The following ACTL7A variants were observed in gnomAD, a reference collection of about 807,000 sequenced individuals.
ACTL7A encodes actin-like protein 7A.
In ACTL7A, 27 loss-of-function variants were observed where a neutral mutation model predicts 30.3. The ratio of observed to expected loss-of-function variants is 0.89; its 90% CI spans 0.66 to 1.23. ACTL7A has a LOEUF of 1.23. Ranked by LOEUF, ACTL7A falls within the 50% of genes most tolerant of loss-of-function variation. ACTL7A has a pLI of 0.00. For missense variants in ACTL7A, 566 were observed against 571.8 expected, an observed-to-expected ratio of 0.99 and a Z score of 0.10; for synonymous variants, 259 against 241.4, an observed-to-expected ratio of 1.07 and a Z score of -0.67.
rs369257453 is a variant in ACTL7A at position 108,863,498 on chromosome 9, G to C, written c.1176G>C (p.Leu392=). Residue 392 remains leucine, a synonymous_variant, in exon 1 of 1, where the codon CTG becomes CTC. Coordinates refer to ENST00000333999, the MANE Select transcript of ACTL7A (RefSeq NM_006687.4). ...ATGACACCCCGCAGGTAAACGTGCT[G>C]CCTGAAAGAGACAGTGCCGTGTGGA... ...CPNDTPQVNV[L]PERDSAVWTG... 5.0e-6 allele frequency: 8 copies of C among 1,614,234 alleles called. No individual in the cohort carries two copies. The African/African-American group carries it at 1.1e-4, about 22-fold the overall frequency.
Position 108,862,297 on chromosome 9 carries a change from C to T in ACTL7A, c.-26C>T. The T allele has an allele frequency of 1.3e-6, 2 of 1,574,562 alleles. No homozygotes were observed. The highest frequency in any genetic ancestry group is 1.7e-6 in the Non-Finnish European group (2 of 1,163,230). On this transcript the variant is annotated 5_prime_UTR_variant, in exon 1 of 1. Coordinates refer to ENST00000333999, the MANE Select transcript of ACTL7A (RefSeq NM_006687.4). Reference sequence around the variant, plus strand: ...TGAATCCAGTGGGATTGAGAACTTTCTAAGAGTGGTGCGGCTCTTGACAAC... The same window carrying T: ...TGAATCCAGTGGGATTGAGAACTTTTTAAGAGTGGTGCGGCTCTTGACAAC...
At position 108,862,521 on chromosome 9, in the gene ACTL7A, G is replaced by C. The variant is rs745368118; in HGVS notation, c.199G>C (p.Glu67Gln). The C allele has an allele frequency of 3.1e-6, 5 of 1,613,864 alleles. No individual in the cohort carries two copies. In the Admixed American group the frequency reaches 6.7e-5, roughly 22 times the overall value. ...SKAAKERPKQ[E>Q]VTKAVVVDLG... ...GGCAGCCAAGGAGAGGCCCAAGCAG[G>C]AGGTGACCAAAGCAGTGGTCGTGGA... The change falls in exon 1 of 1, where the codon GAG becomes CAG. Residue 67 changes from glutamate to glutamine, a missense_variant. Coordinates refer to ENST00000333999, the MANE Select transcript of ACTL7A (RefSeq NM_006687.4).
Position 108,862,790 on chromosome 9 carries a change from A to G in ACTL7A, c.468A>G (p.Gln156=). The change falls in exon 1 of 1, where the codon CAA becomes CAG. Residue 156 remains glutamine (Q), a synonymous_variant. Coordinates refer to ENST00000333999, the MANE Select transcript of ACTL7A (RefSeq NM_006687.4). ...ATATCTGGGAATATCTCTTCCGACA[A>G]GAGATGAAGATCGCCCCGGAGGAGC... ...VQDIWEYLFR[Q]EMKIAPEEHA... is the part of the protein sequence containing the mutation. 6.2e-7 allele frequency: 1 copy of G among 1,614,204 alleles called. No homozygotes were observed. Among genetic ancestry groups the G allele is most frequent in the South Asian group, 1.1e-5 (1 of 91,090 alleles).
Position 108,863,175 on chromosome 9 carries a change from G to T in ACTL7A, c.853G>T (p.Asp285Tyr), listed in dbSNP as rs1213896204. 1 of 1,613,984 alleles carries T rather than the reference G, an allele frequency of 6.2e-7. No homozygotes were observed. The highest frequency in any genetic ancestry group is 1.3e-5 in the African/African-American group (1 of 74,916). ...IKKKCCFVALDPIEEKKVPLS... is the reference protein window; with the variant it reads ...IKKKCCFVALYPIEEKKVPLS... ...GAAGAAATGCTGCTTTGTGGCCCTG[G>T]ATCCCATTGAGGAGAAGAAAGTCCC... is the stretch of plus-strand genomic sequence containing the variant. The change falls in exon 1 of 1, where the codon GAT (aspartate) becomes TAT (tyrosine). Residue 285 changes from aspartate to tyrosine, a missense_variant. Coordinates refer to ENST00000333999, the MANE Select transcript of ACTL7A (RefSeq NM_006687.4).
At position 108,862,487 on chromosome 9, in the gene ACTL7A, T is replaced by A. The variant is rs756723476; in HGVS notation, c.165T>A (p.Thr55=). ...RHTSSEPQEP[T]ESKAAKERPK... ...CGAGTTCAGAGCCACAAGAACCTACTGAATCAAAGGCAGCCAAGGAGAGGC... is the reference window on the plus strand; with the variant it reads ...CGAGTTCAGAGCCACAAGAACCTACAGAATCAAAGGCAGCCAAGGAGAGGC... The change falls in exon 1 of 1, where the codon ACT becomes ACA. Residue 55 remains threonine (T), a synonymous_variant. Transcript: ENST00000333999. The A allele has an allele frequency of 6.2e-7, 1 of 1,612,692 alleles. No individual in the cohort carries two copies. The highest frequency in any genetic ancestry group is 8.5e-7 in the Non-Finnish European group (1 of 1,179,882).
In ACTL7A at chr9:108,863,007, A is replaced by C. The variant is rs1162062190; in HGVS notation, c.685A>C (p.Ile229Leu). The change falls in exon 1 of 1, where the codon ATC (isoleucine) becomes CTC (leucine). Residue 229 changes from isoleucine (I) to leucine (L), a missense_variant. Physicochemically the swap from Ile to Leu is conservative, Grantham distance 5. Coordinates refer to ENST00000333999, the MANE Select transcript of ACTL7A (RefSeq NM_006687.4). ...VGHGVSYVVP[I>L]YEGYPLPSIT... ...CCATGGCGTGTCCTACGTGGTCCCCATCTACGAGGGTTATCCTTTGCCCAG... is the reference window on the plus strand; with the variant it reads ...CCATGGCGTGTCCTACGTGGTCCCCCTCTACGAGGGTTATCCTTTGCCCAG... 1.2e-6 allele frequency: 2 copies of C among 1,612,738 alleles called. No homozygotes were observed. The highest frequency in any genetic ancestry group is 3.3e-5 in the Admixed American group (2 of 59,976).
At position 108,863,583 on chromosome 9, in the gene ACTL7A, G is replaced by C. The variant is rs1827202586; in HGVS notation, c.1261G>C (p.Glu421Gln). 1 of 1,613,690 alleles carries C rather than the reference G, an allele frequency of 6.2e-7. No homozygotes were observed. Among genetic ancestry groups the C allele is most frequent in the Non-Finnish European group, 8.5e-7 (1 of 1,179,866 alleles). The change falls in exon 1 of 1, where the codon GAG becomes CAG. Residue 421 changes from glutamate to glutamine, a missense_variant. Physicochemically the swap from Glu to Gln is conservative, Grantham distance 29 (BLOSUM62 2). Transcript: ENST00000333999. Reference sequence around the variant, plus strand: ...CCAACCATTGTGGGTCCACCGCTTTGAGTACGAGGAACACGGGCCTTTCTT... The same window carrying C: ...CCAACCATTGTGGGTCCACCGCTTTCAGTACGAGGAACACGGGCCTTTCTT... ...GFQPLWVHRFEYEEHGPFFLY... is the reference protein window; with the variant it reads ...GFQPLWVHRFQYEEHGPFFLY...
rs777828997 is a variant in ACTL7A, at chr9:108,862,736, C to A, written c.414C>A (p.Gly138=). 2.5e-6 allele frequency: 4 copies of A among 1,614,226 alleles called. No homozygotes were observed. Among genetic ancestry groups the A allele is most frequent in the Non-Finnish European group, 3.4e-6 (4 of 1,180,038 alleles). The change falls in exon 1 of 1, where the codon GGC becomes GGA. Residue 138 remains glycine, a synonymous_variant. Coordinates refer to ENST00000333999, the MANE Select transcript of ACTL7A (RefSeq NM_006687.4). ...AGCTGGTTAACCCTCTGCGACATGG[C>A]ATCATCGTGGACTGGGATACAGTGC... is the stretch of plus-strand genomic sequence containing the variant. The part of the protein sequence containing the change: ...HLKLVNPLRH[G]IIVDWDTVQD...
Position 108,863,135 on chromosome 9 carries a change from C to T in ACTL7A, c.813C>T (p.Ile271=), listed in dbSNP as rs1350527171. The change falls in exon 1 of 1, where the codon ATC becomes ATT. Residue 271 remains isoleucine (I), a synonymous_variant. Transcript: ENST00000333999. ...GNEFTQDQMG[I]VEDIKKKCCF... ...AATTCACCCAGGACCAGATGGGCAT[C>T]GTGGAGGACATCAAGAAGAAATGCT... 9 of 1,613,988 alleles carry T rather than the reference C, an allele frequency of 5.6e-6. No homozygotes were observed. The highest frequency in any genetic ancestry group is 1.6e-4 in the Middle Eastern group (1 of 6,084).
In ACTL7A at chr9:108,862,759, T is replaced by C. The variant is rs1827183589; in HGVS notation, c.437T>C (p.Val146Ala). ...RHGIIVDWDT[V>A]QDIWEYLFRQ... ...GGCATCATCGTGGACTGGGATACAG[T>C]GCAGGATATCTGGGAATATCTCTTC... The change falls in exon 1 of 1, where the codon GTG becomes GCG. Residue 146 changes from valine to alanine, a missense_variant. Transcript: ENST00000333999. The C allele has an allele frequency of 6.2e-7, 1 of 1,614,072 alleles. No individual in the cohort carries two copies. The highest frequency in any genetic ancestry group is 1.3e-5 in the African/African-American group (1 of 74,930).
In ACTL7A at chr9:108,863,644, T is replaced by C. The variant is rs1399809184; in HGVS notation, c.*14T>C. ...AGGTGCTTCTGAACAGCGACGAGGATGGACACTGCACTGGCAGTGCCTACC... is the reference window on the plus strand; with the variant it reads ...AGGTGCTTCTGAACAGCGACGAGGACGGACACTGCACTGGCAGTGCCTACC... On this transcript the variant is annotated 3_prime_UTR_variant, in exon 1 of 1. Transcript: ENST00000333999. 2 of 1,588,586 alleles carry C rather than the reference T, an allele frequency of 1.3e-6. No individual in the cohort carries two copies. Among genetic ancestry groups the C allele is most frequent in the Non-Finnish European group, 1.7e-6 (2 of 1,166,070 alleles).
At position 108,862,859 on chromosome 9, in the gene ACTL7A, C is replaced by G. The variant is rs1827186853; in HGVS notation, c.537C>G (p.Asn179Lys). The change falls in exon 1 of 1, where the codon AAC becomes AAG. Residue 179 changes from asparagine (N) to lysine (K), a missense_variant. By Grantham distance (94) the Asn-to-Lys change is moderately conservative. Coordinates refer to ENST00000333999, the MANE Select transcript of ACTL7A (RefSeq NM_006687.4). Reference protein sequence around the residue: ...VSDPPLSPHTNREKYAEMLFE... With the variant: ...VSDPPLSPHTKREKYAEMLFE... ...ACCCGCCACTGAGCCCACACACCAA[C>G]AGAGAGAAATATGCTGAAATGCTGT... 1 of 1,613,820 alleles carries G rather than the reference C, an allele frequency of 6.2e-7. No homozygotes were observed. Among genetic ancestry groups the G allele is most frequent in the Non-Finnish European group, 8.5e-7 (1 of 1,179,830 alleles).
rs1827198386 is a variant in ACTL7A at position 108,863,325 on chromosome 9, C to T, written c.1003C>T (p.Leu335Phe). Residue 335 changes from leucine to phenylalanine, a missense_variant, in exon 1 of 1, where the codon CTC becomes TTC. Leu to Phe is a conservative substitution (Grantham distance 22, BLOSUM62 0). Coordinates refer to ENST00000333999, the MANE Select transcript of ACTL7A (RefSeq NM_006687.4). ...TCTCATCAAGTCCATGCAGCTGGGCCTCCACACCCAAACCGTGTCCTGCCT... is the reference window on the plus strand; with the variant it reads ...TCTCATCAAGTCCATGCAGCTGGGCTTCCACACCCAAACCGTGTCCTGCCT... ...PSLIKSMQLG[L>F]HTQTVSCLNK... 1 of 1,614,200 alleles carries T rather than the reference C, an allele frequency of 6.2e-7. No individual in the cohort carries two copies. The highest frequency in any genetic ancestry group is 8.5e-7 in the Non-Finnish European group (1 of 1,180,036).
At position 108,863,216 on chromosome 9, in the gene ACTL7A, G is replaced by A. The variant is rs778200118; in HGVS notation, c.894G>A (p.Thr298=). The change falls in exon 1 of 1, where the codon ACG becomes ACA. Residue 298 remains threonine, a synonymous_variant. Transcript: ENST00000333999. ...EEKKVPLSEH[T]IRYVLPDGKE... ...AGAAAGTCCCTCTCAGTGAGCATAC[G>A]ATCCGCTACGTGCTGCCGGATGGGA... is the stretch of plus-strand genomic sequence containing the variant. 44 of 1,614,002 alleles carry A rather than the reference G, an allele frequency of 2.7e-5. No homozygotes were observed. Among genetic ancestry groups the A allele is most frequent in the Middle Eastern group, 3.3e-4 (2 of 6,084 alleles).
At position 108,863,006 on chromosome 9, in the gene ACTL7A, C is replaced by G. The variant is rs766265789; in HGVS notation, c.684C>G (p.Pro228=). 7 of 1,612,540 alleles carry G rather than the reference C, an allele frequency of 4.3e-6. No homozygotes were observed. In the South Asian group the frequency reaches 7.7e-5, roughly 18 times the overall value. The change falls in exon 1 of 1, where the codon CCC becomes CCG. Residue 228 remains proline (P), a synonymous_variant. Coordinates refer to ENST00000333999, the MANE Select transcript of ACTL7A (RefSeq NM_006687.4). ...EVGHGVSYVV[P]IYEGYPLPSI... is the part of the protein sequence containing the mutation. ...GCCATGGCGTGTCCTACGTGGTCCCCATCTACGAGGGTTATCCTTTGCCCA... is the reference window on the plus strand; with the variant it reads ...GCCATGGCGTGTCCTACGTGGTCCCGATCTACGAGGGTTATCCTTTGCCCA...
chr9:108,863,147 C>A lies in ACTL7A; in HGVS notation c.825C>A (p.Ile275=). The change falls in exon 1 of 1, where the codon ATC becomes ATA. Residue 275 remains isoleucine (I), a synonymous_variant. Transcript: ENST00000333999. ...ACCAGATGGGCATCGTGGAGGACAT[C>A]AAGAAGAAATGCTGCTTTGTGGCCC... ...TQDQMGIVED[I]KKKCCFVALD... The A allele has an allele frequency of 6.2e-7, 1 of 1,614,110 alleles. No homozygotes were observed. Among genetic ancestry groups the A allele is most frequent in the Non-Finnish European group, 8.5e-7 (1 of 1,180,032 alleles).
Position 108,862,721 on chromosome 9 carries a change from C to T in ACTL7A, c.399C>T (p.Asn133=), listed in dbSNP as rs750782271. 6.2e-7 allele frequency: 1 copy of T among 1,614,198 alleles called. No individual in the cohort carries two copies. Among genetic ancestry groups the T allele is most frequent in the East Asian group, 2.2e-5 (1 of 44,872 alleles). Residue 133 remains asparagine (N), a synonymous_variant, in exon 1 of 1, where the codon AAC becomes AAT. Coordinates refer to ENST00000333999, the MANE Select transcript of ACTL7A (RefSeq NM_006687.4). ...CAAACGTTCATCTCAAGCTGGTTAA[C>T]CCTCTGCGACATGGCATCATCGTGG... is the stretch of plus-strand genomic sequence containing the variant. ...NNTNVHLKLV[N]PLRHGIIVDW... is the part of the protein sequence containing the mutation.
In ACTL7A at chr9:108,862,869, T is replaced by C. The variant is rs41278345; in HGVS notation, c.547T>C (p.Tyr183His). The C allele has an allele frequency of 2.2e-3, 3,614 of 1,613,440 alleles. 7 individuals carry two copies. Among genetic ancestry groups the C allele is most frequent in the Non-Finnish European group, 2.9e-3 (3,440 of 1,179,652 alleles). ...GAGCCCACACACCAACAGAGAGAAA[T>C]ATGCTGAAATGCTGTTTGAAGCCTT... ...PLSPHTNREK[Y>H]AEMLFEAFNT... is the part of the protein sequence containing the mutation. Residue 183 changes from tyrosine (Y) to histidine (H), a missense_variant, in exon 1 of 1, where the codon TAT (tyrosine) becomes CAT (histidine). Transcript: ENST00000333999.
At position 108,862,817 on chromosome 9, in the gene ACTL7A, T is replaced by A. The variant is rs965370589; in HGVS notation, c.495T>A (p.His165Gln). The A allele has an allele frequency of 6.2e-7, 1 of 1,613,604 alleles. No homozygotes were observed. Among genetic ancestry groups the A allele is most frequent in the East Asian group, 2.2e-5 (1 of 44,876 alleles). The change falls in exon 1 of 1, where the codon CAT becomes CAA. Residue 165 changes from histidine to glutamine, a missense_variant. Coordinates refer to ENST00000333999, the MANE Select transcript of ACTL7A (RefSeq NM_006687.4). ...AGATGAAGATCGCCCCGGAGGAGCATGCGGTCTTGGTTTCAGACCCGCCAC... is the reference window on the plus strand; with the variant it reads ...AGATGAAGATCGCCCCGGAGGAGCAAGCGGTCTTGGTTTCAGACCCGCCAC... Reference protein sequence around the residue: ...RQEMKIAPEEHAVLVSDPPLS... With the variant: ...RQEMKIAPEEQAVLVSDPPLS...
Sources: gnomAD v4.1 joint callset for allele counts on GRCh38, gnomAD v4.1.1 for gene constraint, MANE v1.5 for transcripts, NCBI Gene and HGNC (gene_info 2026-07-23, HGNC 2026-07-21) for gene names.